The following APELA variants were observed in gnomAD, a reference collection of about 807,000 sequenced individuals.
APELA encodes the protein protein Elabela.
Position 164,877,284 on chromosome 4 carries a change from G to A in APELA, c.-48G>A, listed in dbSNP as rs142049941. The A allele has an allele frequency of 2.0e-5, 8 of 398,788 alleles. No individual in the cohort carries two copies. Among genetic ancestry groups the A allele is most frequent in the Admixed American group, 8.8e-5 (2 of 22,724 alleles). 24.7% of individuals were successfully genotyped at this position (398,788 alleles called of 1,614,324 possible). A position where few individuals can be genotyped will look rare whatever the true frequency, so the allele number is the denominator to read the frequency against. On this transcript the variant is annotated 5_prime_UTR_variant, in exon 1 of 3. Coordinates refer to ENST00000507152, the MANE Select transcript of APELA (RefSeq NM_001297550.2). ...ATATTGCACAGACTATTTACAGATC[G>A]TTTGGTTTACATTGAGAGTCATTGC...
At chr4:164,885,328 A>G (rs1336814726) in intron 2 of APELA, among the ~76,000 whole-genome samples, 1 of 152,060 alleles carries the variant, frequency 6.6e-6, no homozygotes. Flanking sequence ...ACGGGGTTTC[A>G]CCATGTTGGC....
chr4:164,879,289 CG>C, intron 2 of APELA: 3 of 277,292 alleles, frequency 1.1e-5, no homozygotes, highest in Admixed American at 5.2e-5. Flanking sequence ...AATATTATTG[CG>C]GATGTTATGC....
chr4:164,897,578 A>G (rs1241631369), downstream of APELA: 1 of 152,102 alleles, frequency 6.6e-6, no homozygotes, highest in African/African-American at 2.4e-5. Flanking sequence ...TGAGTATAGC[A>G]TGGTAGAAAT....
chr4:164,883,296 T>C (rs1416606344), intron 2 of APELA, among the ~76,000 whole-genome samples: 2 of 152,140 alleles, frequency 1.3e-5, no homozygotes, highest in Non-Finnish European at 2.9e-5. Context: ...CCTATTCAAC[T>C]ATTATTTCAA....
At chr4:164,898,542 T>C (rs1731019644), downstream of APELA, among the ~76,000 whole-genome samples, 1 of 151,476 alleles carries the variant, frequency 6.6e-6, no homozygotes, top group Admixed American at 6.6e-5. Context: ...ATTTCTAACA[T>C]TTTCAGAACA....
At position 164,896,704 on chromosome 4, in the gene APELA, T is replaced by G. The variant is rs1464962003; in HGVS notation, c.*1290T>G. The G allele has an allele frequency of 2.0e-5, 3 of 152,316 alleles. No individual in the cohort carries two copies. The East Asian group carries it at 5.8e-4, about 29-fold the overall frequency. The allele number at this position is 152,316 out of a possible 1,614,324, so 9.4% of individuals were successfully genotyped here. A position where few individuals can be genotyped will look rare whatever the true frequency, so the allele number is the denominator to read the frequency against. On this transcript the variant is annotated 3_prime_UTR_variant, in exon 3 of 3. Coordinates refer to ENST00000507152, the MANE Select transcript of APELA (RefSeq NM_001297550.2). ...ATGCTAAGATGTTCTTAATTTGTAT[T>G]TATTGAAGGATTGTTAGCTTAGTGC...
intron 2 of APELA, among the ~76,000 whole-genome samples, chr4:164,884,394 T>C (rs1730729261): frequency 1.3e-5 from 2 of 152,214 alleles, no homozygotes; most frequent in Non-Finnish European, 2.9e-5. Context: ...CTGCGGAAGG[T>C]CCATTATGAC....
intron 1 of APELA, among the ~76,000 whole-genome samples, chr4:164,878,439 G>A (rs4691135): frequency 0.012 from 1,801 of 152,218 alleles, 15 homozygotes; most frequent in Middle Eastern, 0.024. Context: ...CCTGGTCTGT[G>A]CTTTTACATA....
rs1288234897 is a variant in APELA, at chr4:164,896,122, C to A, written c.*708C>A. Reference sequence around the variant, plus strand: ...TTTTGTTTTTGTTTTGAAACAGAGTCTCACTCTGTTGCCCAAGGTGGAGAG... The same window carrying A: ...TTTTGTTTTTGTTTTGAAACAGAGTATCACTCTGTTGCCCAAGGTGGAGAG... On this transcript the variant is annotated 3_prime_UTR_variant, in exon 3 of 3. Coordinates refer to ENST00000507152, the MANE Select transcript of APELA (RefSeq NM_001297550.2). The A allele has an allele frequency of 1.3e-5, 2 of 152,122 alleles. No homozygotes were observed. The highest frequency in any genetic ancestry group is 4.8e-5 in the African/African-American group (2 of 41,424). The allele number at this position is 152,122 out of a possible 1,614,324, so 9.4% of individuals were successfully genotyped here. A position where few individuals can be genotyped will look rare whatever the true frequency, so the allele number is the denominator to read the frequency against.
At chr4:164,889,962 A>G (rs78834813) in intron 2 of APELA, among the ~76,000 whole-genome samples, 11,855 of 152,218 alleles carry the variant, frequency 0.078, 1,402 homozygotes, top group African/African-American at 0.26. Flanking sequence ...ACACCATTTT[A>G]TATAAGGGAC....
At position 164,880,258 on chromosome 4, in the gene APELA, C is replaced by T. The variant is rs138635897; in HGVS notation, c.*1+1249C>T. Among the ~76,000 whole-genome samples, 591 of 152,178 alleles carry T rather than the reference C, an allele frequency of 3.9e-3. 5 individuals are homozygous for T. Among genetic ancestry groups the T allele is most frequent in the African/African-American group, 0.014 (570 of 41,502 alleles). ...TTGTTTAATGCATGCTTTCCAAACC[C>T]GGGGAAAGCCCTGTAGTAGAAAATT... On this transcript the variant is annotated intron_variant, in intron 2 of 2. Transcript: ENST00000507152.
At chr4:164,882,351 C>T (rs1367049318) in intron 2 of APELA, among the ~76,000 whole-genome samples, 1 of 151,990 alleles carries the variant, frequency 6.6e-6, no homozygotes, top group Non-Finnish European at 1.5e-5. Flanking sequence ...GATCTGCCCC[C>T]CCTCAGACTC....
At chr4:164,885,300 T>G (rs188617186) in intron 2 of APELA, among the ~76,000 whole-genome samples, 170 of 152,188 alleles carry the variant, frequency 1.1e-3, no homozygotes, top group African/African-American at 3.9e-3. Context: ...TCAGCTAATT[T>G]GGGTATTTTT....
intron 2 of APELA, among the ~76,000 whole-genome samples, chr4:164,891,984 T>C (rs2111067195): frequency 6.6e-6 from 1 of 152,132 alleles, no homozygotes; most frequent in East Asian, 1.9e-4. Flanking sequence ...AGGGAGGATG[T>C]TTGTTTTGGT....
intron 2 of APELA, among the ~76,000 whole-genome samples, chr4:164,882,990 T>TA (rs1268580611): frequency 1.3e-5 from 2 of 152,194 alleles, no homozygotes; most frequent in South Asian, 4.1e-4. Context: ...GTCCAACTGA[T>TA]ACTCTCTTGT....
At chr4:164,898,442 C>A (rs1436563442), downstream of APELA, among the ~76,000 whole-genome samples, 1 of 147,152 alleles carries the variant, frequency 6.8e-6, no homozygotes, top group Admixed American at 6.9e-5. Flanking sequence ...GAAGAGGTTG[C>A]AGTGAGTCAA....
intron 2 of APELA, among the ~76,000 whole-genome samples, chr4:164,880,286 A>G (rs1188694212): frequency 2.0e-4 from 30 of 152,330 alleles, no homozygotes; most frequent in Non-Finnish European, 1.5e-5. Flanking sequence ...AGAAAATTAA[A>G]TGAAGGAGGA....
In APELA at chr4:164,895,940, A is replaced by G. The variant is rs1725971168; in HGVS notation, c.*526A>G. On this transcript the variant is annotated 3_prime_UTR_variant, in exon 3 of 3. Transcript: ENST00000507152. ...TTGGTTCATTGATTATATAGAGAGAAAGACTAAGAAAAGCTATTAATTGCT... is the reference window on the plus strand; with the variant it reads ...TTGGTTCATTGATTATATAGAGAGAGAGACTAAGAAAAGCTATTAATTGCT... 6.6e-6 allele frequency: 1 copy of G among 152,232 alleles called. No individual in the cohort carries two copies. The highest frequency in any genetic ancestry group is 2.4e-5 in the African/African-American group (1 of 41,464). 9.4% of individuals were successfully genotyped at this position (152,232 alleles called of 1,614,324 possible).
At chr4:164,883,407 CT>C (rs1730698111) in intron 2 of APELA, among the ~76,000 whole-genome samples, 1 of 152,054 alleles carries the variant, frequency 6.6e-6, no homozygotes. Context: ...GTCATTAAGC[CT>C]CAAAATCCAA....
Sources: gnomAD v4.1 joint callset for allele counts (sites outside exome capture counted in the v4.1 genomes callset) on GRCh38, gnomAD v4.1.1 for gene constraint, MANE v1.5 for transcripts, NCBI Gene and HGNC (gene_info 2026-07-23, HGNC 2026-07-21) for gene names.